Variants in GALNT13 observed in about 807,000 individuals in gnomAD.
GALNT13 encodes polypeptide N-acetylgalactosaminyltransferase 13, also known as UDP-GalNAc:polypeptide N-acetylgalactosaminyltransferase 13.
Under a neutral mutation model 64.2 loss-of-function variants are expected in GALNT13, and 28 were observed. The ratio of observed to expected loss-of-function variants is 0.44; its 90% CI spans 0.32 to 0.60. The LOEUF is 0.60. Ranked by LOEUF, GALNT13 falls within the 20% of genes least tolerant of loss-of-function variation. GALNT13 has a pLI of 0.05. For missense variants in GALNT13, 577 were observed against 669.8 expected, an observed-to-expected ratio of 0.86 and a Z score of 1.53; for synonymous variants, 214 against 224.6, an observed-to-expected ratio of 0.95 and a Z score of 0.42.
At chr2:153,778,199 C>G in the GALNT13 span, among the ~76,000 whole-genome samples, 8 of 152,266 alleles carry the variant, frequency 5.3e-5, no homozygotes, top group South Asian at 2.1e-4. Context: ...TCTGTGTGTT[C>G]CTCTGCTGGT....
chr2:153,392,524 G>T, the GALNT13 span, among the ~76,000 whole-genome samples: 2 of 152,018 alleles, frequency 1.3e-5, no homozygotes, highest in South Asian at 2.1e-4. Flanking sequence ...ACAGGGTTTT[G>T]TCAGTTAGGA....
the GALNT13 span, among the ~76,000 whole-genome samples, chr2:153,226,165 C>G: frequency 6.6e-6 from 1 of 152,034 alleles, no homozygotes; most frequent in African/African-American, 2.4e-5. Context: ...AACTCCTGAC[C>G]TCGTGATCCA....
intron 4 of GALNT13, among the ~76,000 whole-genome samples, chr2:154,181,571 A>T (rs1201480868): frequency 6.6e-6 from 1 of 152,116 alleles, no homozygotes; most frequent in Non-Finnish European, 1.5e-5. Flanking sequence ...AGTTTGATAA[A>T]TTTTTACGAT....
chr2:153,135,686 T>A, the GALNT13 span, among the ~76,000 whole-genome samples: 1 of 152,040 alleles, frequency 6.6e-6, no homozygotes, highest in African/African-American at 2.4e-5. Context: ...GAATTACTTT[T>A]AGGACTTCAT....
At chr2:153,265,772 A>G in the GALNT13 span, among the ~76,000 whole-genome samples, 1 of 152,220 alleles carries the variant, frequency 6.6e-6, no homozygotes, top group Non-Finnish European at 1.5e-5. Context: ...CTCTTCCAGA[A>G]CAAGGTTTCT....
intron 8 of GALNT13, among the ~76,000 whole-genome samples, chr2:154,267,312 A>G (rs1165901076): frequency 6.6e-6 from 1 of 152,152 alleles, no homozygotes. Context: ...AAGAGAATGG[A>G]TTGGTAAATT....
At chr2:153,934,934 C>G (rs1156641389) in intron 2 of GALNT13, among the ~76,000 whole-genome samples, 2 of 152,080 alleles carry the variant, frequency 1.3e-5, no homozygotes, top group Non-Finnish European at 2.9e-5. Flanking sequence ...CACTTTTGAT[C>G]TTTGATCATG....
At chr2:154,032,908 C>A in intron 3 of GALNT13, among the ~76,000 whole-genome samples, 1 of 131,698 alleles carries the variant, frequency 7.6e-6, no homozygotes. Context: ...TGGCATGCAA[C>A]CTTACTAAAA....
At chr2:154,023,731 G>A (rs1213186779) in intron 3 of GALNT13, among the ~76,000 whole-genome samples, 3 of 152,132 alleles carry the variant, frequency 2.0e-5, no homozygotes, top group Admixed American at 6.6e-5. Flanking sequence ...ATTTGATCCT[G>A]TCATTATGAT....
chr2:154,017,855 T>C (rs1052206474), intron 3 of GALNT13, among the ~76,000 whole-genome samples: 1 of 152,232 alleles, frequency 6.6e-6, no homozygotes, highest in African/African-American at 2.4e-5. Context: ...AGCCACCTTC[T>C]AAAGATCTGA....
chr2:154,327,500 A>C (rs1694941121), intron 9 of GALNT13, among the ~76,000 whole-genome samples: 1 of 152,090 alleles, frequency 6.6e-6, no homozygotes. Flanking sequence ...AGGGGAACTA[A>C]TTCACTTCCC....
the GALNT13 span, among the ~76,000 whole-genome samples, chr2:153,246,369 A>C: frequency 1.3e-5 from 2 of 152,134 alleles, no homozygotes; most frequent in Non-Finnish European, 2.9e-5. Flanking sequence ...AGGGTGAAAC[A>C]AACGAAAAAC....
intron 8 of GALNT13, among the ~76,000 whole-genome samples, chr2:154,273,582 T>A (rs1046814697): frequency 6.6e-6 from 1 of 152,232 alleles, no homozygotes; most frequent in African/African-American, 2.4e-5. Context: ...GGTGGTCCCA[T>A]AGGATACTAC....
intron 8 of GALNT13, among the ~76,000 whole-genome samples, chr2:154,268,338 A>T (rs1170290045): frequency 6.6e-6 from 1 of 152,212 alleles, no homozygotes; most frequent in Non-Finnish European, 1.5e-5. Context: ...ATATGACTTC[A>T]TTTGTATAAA....
intron 8 of GALNT13, 125 bp from the exon 9 acceptor site, chr2:154,301,284 A>T: frequency 1.3e-6 from 1 of 761,882 alleles, no homozygotes; most frequent in Non-Finnish European, 2.2e-6. Context: ...ATAGTGTACC[A>T]GTTCTAAATT....
chr2:153,489,801 T>C, the GALNT13 span, among the ~76,000 whole-genome samples: 1 of 152,168 alleles, frequency 6.6e-6, no homozygotes, highest in Admixed American at 6.5e-5. Context: ...ATTGTGTTTA[T>C]AATAGCATAT....
intron 4 of GALNT13, among the ~76,000 whole-genome samples, chr2:154,225,607 C>T (rs563057341): frequency 6.6e-6 from 1 of 152,132 alleles, no homozygotes; most frequent in South Asian, 2.1e-4. Flanking sequence ...AAAACTTCTT[C>T]GCCCTCTTGA....
intron 1 of GALNT13, among the ~76,000 whole-genome samples, chr2:153,884,041 A>G (rs548835696): frequency 4.8e-4 from 73 of 152,058 alleles, no homozygotes; most frequent in African/African-American, 1.5e-3. Flanking sequence ...GTTGAAGGAA[A>G]GGTTAGGGAT....
chr2:153,521,357 CAT>C, the GALNT13 span, among the ~76,000 whole-genome samples: 1 of 151,920 alleles, frequency 6.6e-6, no homozygotes, highest in Non-Finnish European at 1.5e-5. Flanking sequence ...TGTCCAAAAA[CAT>C]AAACTACATC....
Sources: gnomAD v4.1 joint callset for allele counts (sites outside exome capture counted in the v4.1 genomes callset) on GRCh38, gnomAD v4.1.1 for gene constraint, MANE v1.5 for transcripts, NCBI Gene and HGNC (gene_info 2026-07-23, HGNC 2026-07-21) for gene names.